The following PARVB variants were observed in gnomAD, a reference collection of about 807,000 sequenced individuals.
PARVB encodes parvin beta, also known as beta-parvin.
PARVB carries 46 observed loss-of-function variants against 47.0 expected under a neutral mutation model. The observed-to-expected ratio is 0.98, with a 90% confidence interval of 0.77 to 1.25. The LOEUF is 1.25. Ranked by LOEUF, PARVB falls within the 50% of genes most tolerant of loss-of-function variation. The probability of loss-of-function intolerance (pLI) is 0.00; values close to 1 mark genes in which losing one functional copy is unlikely to be tolerated. For missense variants in PARVB, 473 were observed against 471.6 expected (o/e 1.00, Z -0.03); for synonymous variants, 196 against 196.3 (o/e 1.00, Z 0.01).
At chr22:44,095,832 C>T (rs934850886) in intron 2 of PARVB, among the ~76,000 whole-genome samples, 5 of 152,196 alleles carry the variant, frequency 3.3e-5, no homozygotes, top group East Asian at 3.8e-4. Context: ...GAAGAAACGC[C>T]GATGCAAGTT....
intron 1 of PARVB, among the ~76,000 whole-genome samples, chr22:44,061,985 A>G (rs1053424544): frequency 1.3e-5 from 2 of 152,186 alleles, no homozygotes; most frequent in Admixed American, 6.5e-5. Context: ...TGAGCTTACA[A>G]ATTTTAGCCA....
At chr22:44,151,833 G>A in intron 10 of PARVB, 1 of 387,156 alleles carries the variant, frequency 2.6e-6, no homozygotes. Flanking sequence ...ATGGGGCCTG[G>A]GTGGGTTCCC....
intron 1 of PARVB, among the ~76,000 whole-genome samples, chr22:44,050,484 C>T (rs1013721752): frequency 2.0e-5 from 3 of 152,084 alleles, no homozygotes; most frequent in African/African-American, 7.2e-5. Flanking sequence ...GCTGGGATTA[C>T]AGGTGCCTGC....
chr22:44,009,077 T>G, intron 2 of PARVB, among the ~76,000 whole-genome samples: 1 of 152,232 alleles, frequency 6.6e-6, no homozygotes, highest in East Asian at 1.9e-4. Context: ...GAATAGTCTT[T>G]TCATGCCTTC....
intron 1 of PARVB, among the ~76,000 whole-genome samples, chr22:44,045,249 C>A (rs901328052): frequency 6.6e-6 from 1 of 152,078 alleles, no homozygotes; most frequent in African/African-American, 2.4e-5. Context: ...GAGAGAGTCT[C>A]TGTCTAAATA....
rs745598503 is a variant in PARVB at position 44,147,874 on chromosome 22, C to G, written c.726C>G (p.Phe242Leu). ...GCATGTCCTCAGAGCGGGATGCCTTCGACACGCTGTTCGACCACGCCCCGG... is the reference window on the plus strand; with the variant it reads ...GCATGTCCTCAGAGCGGGATGCCTTGGACACGCTGTTCGACCACGCCCCGG... ...MMMGRFERDA[F>L]DTLFDHAPDK... Residue 242 changes from phenylalanine (F) to leucine (L), a missense_variant, in exon 9 of 13, where the codon TTC becomes TTG. Phe to Leu is a conservative substitution (Grantham distance 22). Coordinates refer to ENST00000338758, the MANE Select transcript of PARVB (RefSeq NM_013327.5). 3.1e-6 allele frequency: 5 copies of G among 1,613,920 alleles called. No homozygotes were observed. The African/African-American group carries it at 6.7e-5, about 22-fold the overall frequency.
At chr22:44,100,529 C>G (rs1172794910) in intron 3 of PARVB, among the ~76,000 whole-genome samples, 1 of 152,154 alleles carries the variant, frequency 6.6e-6, no homozygotes, top group Non-Finnish European at 1.5e-5. Flanking sequence ...CTGGCCACTC[C>G]TGGCCAGGAG....
intron 1 of PARVB, among the ~76,000 whole-genome samples, chr22:44,082,597 T>C (rs2051930117): frequency 6.6e-6 from 1 of 152,130 alleles, no homozygotes; most frequent in Admixed American, 6.6e-5. Context: ...AATCAGATCA[T>C]CATTGTCTCT....
intron 11 of PARVB, among the ~76,000 whole-genome samples, chr22:44,160,082 C>G (rs2054019798): frequency 1.3e-5 from 2 of 152,246 alleles, no homozygotes; most frequent in Non-Finnish European, 2.9e-5. Context: ...CATGAGCTAT[C>G]TCAGAGGCAT....
intron 2 of PARVB, among the ~76,000 whole-genome samples, chr22:44,018,663 G>C (rs1448819966): frequency 2.6e-5 from 4 of 152,110 alleles, no homozygotes; most frequent in Admixed American, 6.5e-5. Flanking sequence ...CTCTGGCTCT[G>C]GGGTTTCCTC....
In PARVB at chr22:44,155,836, G is replaced by A. The variant is rs1305621188; in HGVS notation, c.844-2146G>A. Among the ~76,000 whole-genome samples the A allele has an allele frequency of 4.6e-5, 7 of 152,126 alleles. No homozygotes were observed. Among genetic ancestry groups the A allele is most frequent in the African/African-American group, 1.7e-4 (7 of 41,394 alleles). ...TGAGGGCATGTGACATGGAGGCCAA[G>A]TGCCATTTGCCCATCAACTGACAGC... is the stretch of plus-strand genomic sequence containing the variant. On this transcript the variant is annotated intron_variant, in intron 10 of 12. Coordinates refer to ENST00000338758, the MANE Select transcript of PARVB (RefSeq NM_013327.5). The surrounding 1 kb of genome is among the most constrained non-coding windows in gnomAD (Gnocchi z 4.8).
At chr22:44,064,564 A>T (rs1042268390) in intron 1 of PARVB, among the ~76,000 whole-genome samples, 7 of 152,146 alleles carry the variant, frequency 4.6e-5, no homozygotes, top group Non-Finnish European at 8.8e-5. Context: ...CCAGGTAATT[A>T]TATGTGGTTC....
intron 6 of PARVB, 92 bp downstream of exon 6, chr22:44,133,101 T>A (rs531691901): frequency 1.3e-6 from 1 of 749,190 alleles, no homozygotes; most frequent in South Asian, 1.8e-5. Flanking sequence ...CCTCCTTTTT[T>A]CCCCCCAGGA....
chr22:44,072,358 T>C (rs960842649), intron 1 of PARVB, among the ~76,000 whole-genome samples: 13 of 152,166 alleles, frequency 8.5e-5, no homozygotes, highest in African/African-American at 2.9e-4. Context: ...AAATTTCAAG[T>C]TGGGCATCAG....
chr22:44,038,864 A>G (rs1309923833), intron 1 of PARVB, among the ~76,000 whole-genome samples: 2 of 152,240 alleles, frequency 1.3e-5, no homozygotes, highest in Non-Finnish European at 2.9e-5. Flanking sequence ...CACATGTTTG[A>G]TAAAAGACTG....
At chr22:44,029,014 C>CT (rs1569061024) in intron 1 of PARVB, among the ~76,000 whole-genome samples, 1 of 152,114 alleles carries the variant, frequency 6.6e-6, no homozygotes, top group East Asian at 1.9e-4. Flanking sequence ...GAGATAGGGT[C>CT]TCACTGTAGC....
chr22:44,153,780 C>T lies in PARVB; in HGVS notation c.843+2229C>T, dbSNP rs965388640. ...ATCCTTTTTCCCTTGCTCGATCTAT[C>T]GGTCTGTCTATATTTTGTCACTTTT... On this transcript the variant is annotated intron_variant, in intron 10 of 12. Transcript: ENST00000338758. Among the ~76,000 whole-genome samples, 7 of 152,192 alleles carry T rather than the reference C, an allele frequency of 4.6e-5. No homozygotes were observed. The South Asian group carries it at 8.3e-4, about 18-fold the overall frequency.
chr22:44,004,263 C>T (rs534720898), intron 2 of PARVB, among the ~76,000 whole-genome samples: 2 of 152,208 alleles, frequency 1.3e-5, no homozygotes, highest in Non-Finnish European at 2.9e-5. Context: ...GCAGGCGCTC[C>T]AGGTCGCGCG....
intron 1 of PARVB, among the ~76,000 whole-genome samples, chr22:44,082,273 C>T (rs2051920714): frequency 6.6e-6 from 1 of 152,178 alleles, no homozygotes; most frequent in Non-Finnish European, 1.5e-5. Flanking sequence ...AATCCCAGCA[C>T]TTTGGGAGGC....
Sources: allele counts gnomAD v4.1 joint callset (sites outside exome capture counted in the v4.1 genomes callset), GRCh38; gene constraint gnomAD v4.1.1; non-coding constraint Gnocchi (gnomAD v3.1); transcripts MANE v1.5; gene names NCBI Gene and HGNC (gene_info 2026-07-23, HGNC 2026-07-21).